The following LTV1 variants were observed in gnomAD, a reference collection of about 807,000 sequenced individuals.
LTV1 encodes protein LTV1 homolog.
A neutral mutation model predicts 59.9 loss-of-function variants in LTV1; 39 were observed. That is an observed-to-expected ratio of 0.65 (90% CI 0.50 to 0.85). LTV1 has a LOEUF of 0.85. Ranked by LOEUF, LTV1 falls within the 40% of genes least tolerant of loss-of-function variation. LTV1 has a pLI of 0.00. For synonymous variants in LTV1, 171 were observed against 189.5 expected (o/e 0.90, Z 0.80); for missense variants, 493 against 549.1 (o/e 0.90, Z 1.02).
Position 143,857,673 on chromosome 6 carries a change from C to A in LTV1, c.540-79C>A. On this transcript the variant is annotated intron_variant, in intron 5 of 10. Transcript: ENST00000367576. The surrounding 1 kb of genome is among the most constrained non-coding windows in gnomAD (Gnocchi z 5.2). ...CAAGAACCCTTCCTGAAATACCTTCCAATTTTACTTGTGTAAAGTGGTTTT... is the reference window on the plus strand; with the variant it reads ...CAAGAACCCTTCCTGAAATACCTTCAAATTTTACTTGTGTAAAGTGGTTTT... 2 of 1,497,690 alleles carry A rather than the reference C, an allele frequency of 1.3e-6. No individual in the cohort carries two copies. The highest frequency in any genetic ancestry group is 1.2e-5 in the South Asian group (1 of 84,882). 92.8% of individuals were successfully genotyped at this position (1,497,690 alleles called of 1,614,324 possible). A position where few individuals can be genotyped will look rare whatever the true frequency, so the allele number is the denominator to read the frequency against.
At chr6:143,856,594 G>A (rs1418828028) in intron 4 of LTV1, among the ~76,000 whole-genome samples, 1 of 152,184 alleles carries the variant, frequency 6.6e-6, no homozygotes, top group African/African-American at 2.4e-5. Flanking sequence ...GGTCATTGTT[G>A]TTGGTGACCT....
chr6:143,857,211 ACT>A lies in LTV1; in HGVS notation c.398-89_398-88del. The A allele has an allele frequency of 7.1e-7, 1 of 1,410,426 alleles. No homozygotes were observed. The highest frequency in any genetic ancestry group is 9.8e-7 in the Non-Finnish European group (1 of 1,019,360). The allele number at this position is 1,410,426 out of a possible 1,614,324, so 87.4% of individuals were successfully genotyped here. A position where few individuals can be genotyped will look rare whatever the true frequency, so the allele number is the denominator to read the frequency against. ...TCTTTTATCCTCAATATATTAATAG[ACT>A]CTTGCTATCATAGGTCCTTATATTG... On this transcript the variant is annotated intron_variant, in intron 4 of 10. Coordinates refer to ENST00000367576, the MANE Select transcript of LTV1 (RefSeq NM_032860.5). This position sits in a 1 kb window ranked among gnomAD's most constrained non-coding sequence, Gnocchi z 5.2.
chr6:143,844,194 G>A (rs1776850461), intron 1 of LTV1, among the ~76,000 whole-genome samples: 1 of 152,126 alleles, frequency 6.6e-6, no homozygotes, highest in Non-Finnish European at 1.5e-5. Context: ...TTCTTCACCG[G>A]AAATTATCTT....
Position 143,857,778 on chromosome 6 carries a change from A to C in LTV1, c.566A>C (p.Glu189Ala). 6.2e-7 allele frequency: 1 copy of C among 1,614,090 alleles called. No individual in the cohort carries two copies. The highest frequency in any genetic ancestry group is 8.5e-7 in the Non-Finnish European group (1 of 1,179,980). The change falls in exon 6 of 11, where the codon GAG becomes GCG. Residue 189 changes from glutamate (E) to alanine (A), a missense_variant. Glu to Ala is a moderately radical substitution (Grantham distance 107). Transcript: ENST00000367576. The surrounding 1 kb of genome is among the most constrained non-coding windows in gnomAD (Gnocchi z 5.2). ...AAATCTGAGAATGAAGATGACAGCG[A>C]GTGGGAAGATGTGGATGATGAGAAG... ...IQKSENEDDSEWEDVDDEKGD... is the reference protein window; with the variant it reads ...IQKSENEDDSAWEDVDDEKGD...
chr6:143,856,862 G>A (rs1177225447), intron 4 of LTV1, among the ~76,000 whole-genome samples: 1 of 152,212 alleles, frequency 6.6e-6, no homozygotes, highest in Non-Finnish European at 1.5e-5. Context: ...TCTATGAGGT[G>A]TCTATTGACC....
At chr6:143,858,119 A>G in intron 6 of LTV1, 112 bp downstream of exon 6, 2 of 992,546 alleles carry the variant, frequency 2.0e-6, no homozygotes, top group Non-Finnish European at 1.5e-6. Flanking sequence ...AAAGTCAATC[A>G]TAGGAAGTTT....
intron 1 of LTV1, 151 bp downstream of exon 1, chr6:143,843,631 A>G (rs149123314): frequency 2.6e-4 from 248 of 960,460 alleles, no homozygotes; most frequent in Middle Eastern, 4.4e-4. Flanking sequence ...CAACGTCACC[A>G]CCGTGGGCAT....
At chr6:143,844,348 A>G in intron 1 of LTV1, 138 bp from the exon 2 acceptor site, 1 of 828,638 alleles carries the variant, frequency 1.2e-6, no homozygotes, top group Middle Eastern at 2.8e-4. Context: ...AACACAGCTG[A>G]TGTTGCCTGC....
chr6:143,846,312 C>A, intron 3 of LTV1, 88 bp downstream of exon 3: 2 of 1,256,630 alleles, frequency 1.6e-6, no homozygotes, highest in South Asian at 1.4e-5. Flanking sequence ...GAAATGGTGT[C>A]CGTATGAAGA....
At chr6:143,844,685 TA>T (rs1776861415) in intron 2 of LTV1, 68 bp downstream of exon 2, 39 of 1,255,088 alleles carry the variant, frequency 3.1e-5, no homozygotes, top group East Asian at 2.7e-4. Context: ...TTTTTTTTTT[TA>T]AATAAATAGA....
At chr6:143,843,578 G>T (rs777851568) in intron 1 of LTV1, 98 bp downstream of exon 1, 12 of 1,502,072 alleles carry the variant, frequency 8.0e-6, no homozygotes, top group Non-Finnish European at 8.2e-6. Context: ...CCGGGTCTGG[G>T]TCATGCCAGA....
At chr6:143,852,956 G>T (rs1403204243) in intron 4 of LTV1, among the ~76,000 whole-genome samples, 9 of 152,186 alleles carry the variant, frequency 5.9e-5, no homozygotes, top group Non-Finnish European at 1.2e-4. Flanking sequence ...GTACCATGCT[G>T]TTTTGATTAC....
chr6:143,850,129 A>G lies in LTV1; in HGVS notation c.310-2A>G, dbSNP rs1371055321. 2.5e-6 allele frequency: 4 copies of G among 1,612,056 alleles called. No individual in the cohort carries two copies. In the South Asian group the frequency reaches 4.4e-5, roughly 18 times the overall value. The stretch of plus-strand genomic sequence containing the variant: ...TAACCATTGTGCAATTTCTTTTTCA[A>G]GAGCACTGGAATTAAGTTGCCTTCA... On this transcript the variant is annotated splice_acceptor_variant, in intron 3 of 10. Transcript: ENST00000367576. LOFTEE classifies it high-confidence loss of function.
At chr6:143,860,017 T>G (rs1332784109) in intron 6 of LTV1, among the ~76,000 whole-genome samples, 3 of 152,068 alleles carry the variant, frequency 2.0e-5, no homozygotes, top group African/African-American at 7.2e-5. Flanking sequence ...GTGGGAAGAT[T>G]GCTTGAGCCT....
intron 4 of LTV1, among the ~76,000 whole-genome samples, chr6:143,856,786 G>T (rs1777082956): frequency 6.6e-6 from 1 of 152,224 alleles, no homozygotes; most frequent in Admixed American, 6.5e-5. Context: ...AAAGATTGCT[G>T]CTTGTTCCTT....
chr6:143,858,418 AAGTGGCCC>A, intron 6 of LTV1: 1 of 182,226 alleles, frequency 5.5e-6, no homozygotes, highest in Admixed American at 5.3e-5. Flanking sequence ...AAACCCCCAG[AAGTGGCCC>A]TTAAACCCTC....
intron 6 of LTV1, 97 bp downstream of exon 6, chr6:143,858,104 A>G: frequency 1.8e-6 from 2 of 1,105,960 alleles, no homozygotes; most frequent in Non-Finnish European, 2.6e-6. Flanking sequence ...GTGCTCACCA[A>G]CCACAAAGTC....
rs1777209081 is a variant in LTV1 at position 143,863,462 on chromosome 6, G to C, written c.1363G>C (p.Glu455Gln). 6.2e-7 allele frequency: 1 copy of C among 1,613,834 alleles called. No individual in the cohort carries two copies. Among genetic ancestry groups the C allele is most frequent in the Non-Finnish European group, 8.5e-7 (1 of 1,179,888 alleles). The change falls in exon 11 of 11, where the codon GAG becomes CAG. Residue 455 changes from glutamate (E) to glutamine (Q), a missense_variant. By Grantham distance (29) the Glu-to-Gln change is conservative. Transcript: ENST00000367576. The surrounding 1 kb of genome is among the most constrained non-coding windows in gnomAD (Gnocchi z 4.5). ...AGCTAACAAATTAGCATTTAAACTG[G>C]AGAAAAGAAGGCAAGAAAAAGAGCT... ...KKANKLAFKL[E>Q]KRRQEKELLN...
At chr6:143,859,593 T>C (rs1051783468) in intron 6 of LTV1, among the ~76,000 whole-genome samples, 1 of 152,236 alleles carries the variant, frequency 6.6e-6, no homozygotes, top group African/African-American at 2.4e-5. Context: ...TCTCACCTAA[T>C]ACTATTTTCC....
Sources: gnomAD v4.1 joint callset for allele counts (sites outside exome capture counted in the v4.1 genomes callset) on GRCh38, gnomAD v4.1.1 for gene constraint, Gnocchi (gnomAD v3.1) non-coding constraint, MANE v1.5 for transcripts, NCBI Gene and HGNC (gene_info 2026-07-23, HGNC 2026-07-21) for gene names.